ABR: variants seen among roughly 807,000 people sequenced by gnomAD.
The protein encoded by ABR is ABR activator of RhoGEF and GTPase, also known as active breakpoint cluster region-related protein.
ABR carries 35 observed loss-of-function variants against 107.2 expected under a neutral mutation model. The ratio of observed to expected loss-of-function variants is 0.33; its 90% CI spans 0.25 to 0.43. ABR has a LOEUF of 0.43. ABR is among the 20% of genes least tolerant of loss of function. The pLI, the probability that ABR is intolerant of heterozygous loss-of-function variation, is 1.00. For synonymous variants in ABR, 498 were observed against 462.0 expected (o/e 1.08, Z -1.00); for missense variants, 815 against 1,115.2 (o/e 0.73, Z 3.83).
intron 1 of ABR, among the ~76,000 whole-genome samples, chr17:1,132,051 C>A (rs1415188702): frequency 6.6e-6 from 1 of 152,132 alleles, no homozygotes; most frequent in Non-Finnish European, 1.5e-5. Context: ...ACACTGCTCC[C>A]GTGCCTAGAA....
intron 2 of ABR, among the ~76,000 whole-genome samples, chr17:1,118,135 C>CTT (rs2039128976): frequency 1.0e-4 from 3 of 29,356 alleles, no homozygotes; most frequent in African/African-American, 3.3e-4. Flanking sequence ...CCTGAGTTCC[C>CTT]CCCAGCGTTA....
In ABR at chr17:1,057,653, GTGTA is replaced by G. The variant is rs1172985673; in HGVS notation, c.1381+313_1381+316del. On this transcript the variant is annotated intron_variant, in intron 12 of 22. Coordinates refer to ENST00000302538, the MANE Select transcript of ABR (RefSeq NM_021962.5). ...CACCGTACCCAGCCTCTGTGTATGT[GTGTA>G]TGTGTGTGTGTGTGTGTGTGTGTGT... 0.012 allele frequency among the ~76,000 whole-genome samples: 125 copies of G among 10,362 alleles called. No individual in the cohort carries two copies. The East Asian group carries it at 0.18, about 15-fold the overall frequency. The allele number at this position is 10,362 out of a possible 152,430, so 6.8% of individuals were successfully genotyped here.
intron 16 of ABR, among the ~76,000 whole-genome samples, chr17:1,019,239 T>C (rs1402549453): frequency 1.3e-5 from 2 of 152,100 alleles, no homozygotes; most frequent in East Asian, 3.9e-4. Flanking sequence ...CCCCGCCTCC[T>C]CCAGAGAGCC....
At chr17:1,121,870 A>T (rs1241404071) in intron 2 of ABR, among the ~76,000 whole-genome samples, 3 of 152,162 alleles carry the variant, frequency 2.0e-5, no homozygotes, top group Non-Finnish European at 4.4e-5. Context: ...CGGTATGAGG[A>T]CACTTGCCCA....
chr17:1,103,004 C>T (rs1214076618), intron 2 of ABR, among the ~76,000 whole-genome samples: 6 of 152,076 alleles, frequency 3.9e-5, no homozygotes, highest in East Asian at 1.9e-4. Context: ...GCCATGGAGC[C>T]GGGCCGAGAT....
At position 1,072,014 on chromosome 17, in the gene ABR, C is replaced by T. The variant is rs2035276043; in HGVS notation, c.894+600G>A. ...CGCCTCCTGGGTTCAAGCAATTCTC[C>T]TGCCTCAGCCTCCTGAGTAGCTGGC... On this transcript the variant is annotated intron_variant, in intron 8 of 22. Transcript: ENST00000302538. 2.6e-5 allele frequency among the ~76,000 whole-genome samples: 4 copies of T among 152,362 alleles called. No individual in the cohort carries two copies. In the South Asian group the frequency reaches 6.2e-4, roughly 24 times the overall value.
intron 21 of ABR, 128 bp downstream of exon 21, chr17:1,009,551 G>C: frequency 1.4e-6 from 1 of 730,102 alleles, no homozygotes; most frequent in Non-Finnish European, 2.4e-6. Flanking sequence ...GACTGAGGAG[G>C]TGGGGTTGGG....
At chr17:1,055,441 G>A (rs528937089) in intron 14 of ABR, 2 of 152,534 alleles carry the variant, frequency 1.3e-5, no homozygotes, top group African/African-American at 4.8e-5. Context: ...AGGTCACACA[G>A]CTTGTCATGG....
intron 1 of ABR, among the ~76,000 whole-genome samples, chr17:1,202,856 T>C (rs1275009261): frequency 1.3e-5 from 2 of 150,520 alleles, no homozygotes; most frequent in Admixed American, 6.7e-5. Flanking sequence ...ACTATTTAGG[T>C]TGGTGCAAAA....
Position 1,150,323 on chromosome 17 carries a change from T to C in ABR, c.62-24956A>G, listed in dbSNP as rs967452765. Among the ~76,000 whole-genome samples the C allele has an allele frequency of 6.6e-6, 1 of 152,168 alleles. No homozygotes were observed. The highest frequency in any genetic ancestry group is 1.5e-5 in the Non-Finnish European group (1 of 68,026). On this transcript the variant is annotated intron_variant, in intron 1 of 22. Coordinates refer to ENST00000302538, the MANE Select transcript of ABR (RefSeq NM_021962.5). This position sits in a 1 kb window ranked among gnomAD's most constrained non-coding sequence, Gnocchi z 4.8. ...CTCCTCTCTCATCTTTTGCCCACAA[T>C]GGGAAAGGAGGTAAGAAGTCTGTGT...
chr17:1,204,626 G>A (rs575004487), intron 1 of ABR, among the ~76,000 whole-genome samples: 43 of 152,176 alleles, frequency 2.8e-4, no homozygotes, highest in African/African-American at 9.9e-4. Context: ...GTGTTACAAC[G>A]GCCTATAGTA....
chr17:1,223,211 AAAT>A (rs2043150250), intron 1 of ABR, among the ~76,000 whole-genome samples: 1 of 151,160 alleles, frequency 6.6e-6, no homozygotes, highest in Non-Finnish European at 1.5e-5. Context: ...TCAAAAAAAT[AAAT>A]AATATAAAAA....
At chr17:1,045,525 C>T (rs1223700013) in intron 16 of ABR, among the ~76,000 whole-genome samples, 1 of 152,270 alleles carries the variant, frequency 6.6e-6, no homozygotes, top group Non-Finnish European at 1.5e-5. Context: ...GAAATGGGCT[C>T]TGCAGCCAGC....
intron 1 of ABR, among the ~76,000 whole-genome samples, chr17:1,146,635 A>ATGCCACCACTGCCACATGCCACCAC (rs2040541699): frequency 1.8e-4 from 6 of 33,696 alleles, no homozygotes; most frequent in Non-Finnish European, 3.8e-4. Context: ...CCACTGCCAC[A>ATGCCACCACTGCCACATGCCACCAC]TGCCACCACT....
intron 2 of ABR, 87 bp downstream of exon 2, chr17:1,125,096 G>A (rs2039531061): frequency 7.2e-7 from 1 of 1,397,914 alleles, no homozygotes; most frequent in Non-Finnish European, 9.7e-7. Flanking sequence ...AATCTCTCGA[G>A]ACCAACCCAA....
At chr17:1,136,089 C>G (rs759217204) in intron 1 of ABR, among the ~76,000 whole-genome samples, 4 of 152,278 alleles carry the variant, frequency 2.6e-5, no homozygotes, top group Admixed American at 2.0e-4. Flanking sequence ...CTAGAGTCAG[C>G]CTGTCCTTCT....
intron 16 of ABR, among the ~76,000 whole-genome samples, chr17:1,018,277 C>CAA (rs1457342598): frequency 3.3e-5 from 5 of 149,852 alleles, no homozygotes; most frequent in Non-Finnish European, 7.4e-5. Context: ...CTCCTGACCT[C>CAA]GTGATTCGCC....
chr17:1,132,405 G>T (rs1354462068), intron 1 of ABR, among the ~76,000 whole-genome samples: 1 of 132,536 alleles, frequency 7.5e-6, no homozygotes, highest in Admixed American at 8.4e-5. Flanking sequence ...TTGAGATGGA[G>T]TCTCGCTCTG....
At chr17:1,136,070 C>T (rs1443651524) in intron 1 of ABR, among the ~76,000 whole-genome samples, 1 of 152,134 alleles carries the variant, frequency 6.6e-6, no homozygotes, top group Non-Finnish European at 1.5e-5. Flanking sequence ...CCTGCACTGG[C>T]CCCTAACACT....
Sources: allele counts gnomAD v4.1 joint callset (sites outside exome capture counted in the v4.1 genomes callset), GRCh38; gene constraint gnomAD v4.1.1; non-coding constraint Gnocchi (gnomAD v3.1); transcripts MANE v1.5; gene names NCBI Gene and HGNC (gene_info 2026-07-23, HGNC 2026-07-21).